PRKCA: variants seen among roughly 807,000 people sequenced by gnomAD.
PRKCA encodes protein kinase C alpha type.
Under a neutral mutation model 87.0 loss-of-function variants are expected in PRKCA, and 27 were observed. The observed-to-expected ratio is 0.31, with a 90% CI of 0.23 to 0.43. The LOEUF (loss-of-function observed/expected upper bound fraction) is 0.43. Among genes scored for constraint, PRKCA ranks in the 20% least tolerant of loss-of-function variants. The pLI is 1.00. For synonymous variants in PRKCA, 329 were observed against 311.1 expected (o/e 1.06, Z -0.61); for missense variants, 518 against 852.3 (o/e 0.61, Z 4.88).
intron 10 of PRKCA, among the ~76,000 whole-genome samples, chr17:66,736,863 C>T (rs1053491365): frequency 3.3e-5 from 5 of 152,184 alleles, no homozygotes; most frequent in Admixed American, 1.3e-4. Flanking sequence ...CTGTCATCTA[C>T]AGCTGCTTTT....
chr17:66,369,961 G>T (rs897365923), intron 2 of PRKCA, among the ~76,000 whole-genome samples: 2 of 152,212 alleles, frequency 1.3e-5, no homozygotes, highest in African/African-American at 2.4e-5. Context: ...TAGCTCAGTT[G>T]TCTTATCATT....
chr17:66,521,063 G>A (rs1053358261), intron 3 of PRKCA, among the ~76,000 whole-genome samples: 2 of 152,032 alleles, frequency 1.3e-5, no homozygotes, highest in East Asian at 3.9e-4. Context: ...AGGACTCTGG[G>A]CATCTGTCCA....
intron 2 of PRKCA, among the ~76,000 whole-genome samples, chr17:66,364,519 A>G (rs1297484867): frequency 6.6e-6 from 1 of 152,100 alleles, no homozygotes; most frequent in African/African-American, 2.4e-5. Flanking sequence ...CTGTATGGAG[A>G]AGAGGAGAGA....
In PRKCA at chr17:66,805,048, CTT is replaced by C. The variant is rs921923037; in HGVS notation, c.*1012_*1013del. Reference sequence around the variant, plus strand: ...CTTATGAAAGTACGATGTACAGTAACTTAATGGAAGTGCTGACTCTAGCATCA... The same window carrying C: ...CTTATGAAAGTACGATGTACAGTAACAATGGAAGTGCTGACTCTAGCATCA... On this transcript the variant is annotated 3_prime_UTR_variant, in exon 17 of 17. Coordinates refer to ENST00000413366, the MANE Select transcript of PRKCA (RefSeq NM_002737.3). The C allele has an allele frequency of 1.2e-5, 12 of 982,960 alleles. No individual in the cohort carries two copies. In the African/African-American group the frequency reaches 2.1e-4, roughly 17 times the overall value. The allele number at this position is 982,960 out of a possible 1,614,324, so 60.9% of individuals were successfully genotyped here. A position where few individuals can be genotyped will look rare whatever the true frequency, so the allele number is the denominator to read the frequency against.
chr17:66,339,376 C>T lies in PRKCA; in HGVS notation c.205+33249C>T, dbSNP rs1281144683. On this transcript the variant is annotated intron_variant, in intron 2 of 16. Coordinates refer to ENST00000413366, the MANE Select transcript of PRKCA (RefSeq NM_002737.3). ...GCTCAACGGGGAAATGAACTCTTCA[C>T]TAAAATCTCACATTTCTTACGCTTC... Among the ~76,000 whole-genome samples the T allele has an allele frequency of 2.0e-5, 3 of 152,146 alleles. No homozygotes were observed. In the South Asian group the frequency reaches 6.2e-4, roughly 32 times the overall value.
At chr17:66,656,128 C>A (rs1029310440) in intron 5 of PRKCA, among the ~76,000 whole-genome samples, 2 of 152,162 alleles carry the variant, frequency 1.3e-5, no homozygotes, top group African/African-American at 4.8e-5. Context: ...AAGATTGGAA[C>A]AAGGGGCAAA....
chr17:66,779,894 G>A (rs1975162583), intron 14 of PRKCA, among the ~76,000 whole-genome samples: 1 of 152,062 alleles, frequency 6.6e-6, no homozygotes, highest in Non-Finnish European at 1.5e-5. Flanking sequence ...CATCCAAAAT[G>A]GTAATGTACT....
intron 3 of PRKCA, among the ~76,000 whole-genome samples, chr17:66,500,827 A>G (rs994620943): frequency 6.6e-6 from 1 of 152,232 alleles, no homozygotes; most frequent in African/African-American, 2.4e-5. Context: ...TTAGAAATCA[A>G]TCCAATAAAA....
At chr17:66,798,430 G>GGTA in intron 16 of PRKCA, among the ~76,000 whole-genome samples, 1 of 131,354 alleles carries the variant, frequency 7.6e-6, no homozygotes, top group African/African-American at 3.0e-5. Context: ...TGGTGGTGGT[G>GGTA]GTGACGGTGG....
chr17:66,489,975 T>A (rs1269541589), intron 2 of PRKCA, among the ~76,000 whole-genome samples: 1 of 151,742 alleles, frequency 6.6e-6, no homozygotes, highest in Non-Finnish European at 1.5e-5. Flanking sequence ...GAGACAGGGT[T>A]TCACCATGTT....
At chr17:66,781,881 A>AG (rs1376793537) in intron 14 of PRKCA, among the ~76,000 whole-genome samples, 163 of 130,392 alleles carry the variant, frequency 1.3e-3, no homozygotes, top group Admixed American at 5.0e-3. Context: ...ATATATATAT[A>AG]TATATAGTGT....
intron 5 of PRKCA, among the ~76,000 whole-genome samples, chr17:66,659,998 C>T (rs1395031489): frequency 1.3e-5 from 2 of 152,054 alleles, no homozygotes; most frequent in Non-Finnish European, 2.9e-5. Context: ...TGGTTTGACC[C>T]AAACAGGTAG....
chr17:66,752,539 G>A (rs979431924), intron 13 of PRKCA, among the ~76,000 whole-genome samples: 2 of 152,160 alleles, frequency 1.3e-5, no homozygotes, highest in African/African-American at 4.8e-5. Context: ...TGGGGGCTGT[G>A]GTGAGCCAAG....
intron 2 of PRKCA, among the ~76,000 whole-genome samples, chr17:66,467,838 A>G (rs774175812): frequency 1.2e-4 from 19 of 152,118 alleles, no homozygotes; most frequent in Admixed American, 3.9e-4. Flanking sequence ...GATTACAGGT[A>G]TGAGCCACTG....
intron 8 of PRKCA, chr17:66,703,466 G>T (rs909908011): frequency 1.3e-5 from 2 of 152,018 alleles, no homozygotes; most frequent in African/African-American, 4.8e-5. Flanking sequence ...CTCTGCCTAA[G>T]GCTGTTCTAC....
rs544115623 is a variant in PRKCA at position 66,352,689 on chromosome 17, G to A, written c.205+46562G>A. ...AGTGATTCTCCTGCCTCAGCCTCCC[G>A]AGTAGCTGGGACTACAGGTGCGTGC... On this transcript the variant is annotated intron_variant, in intron 2 of 16. Transcript: ENST00000413366. Among the ~76,000 whole-genome samples the A allele has an allele frequency of 5.6e-5, 8 of 143,962 alleles. No homozygotes were observed. In the South Asian group the frequency reaches 1.4e-3, roughly 26 times the overall value. The allele number at this position is 143,962 out of a possible 152,430, so 94.4% of individuals were successfully genotyped here.
chr17:66,724,349 C>T (rs1464166046), intron 8 of PRKCA, among the ~76,000 whole-genome samples: 3 of 152,114 alleles, frequency 2.0e-5, no homozygotes, highest in African/African-American at 7.2e-5. Context: ...GAGATTCCTC[C>T]TGGTGCAGGG....
chr17:66,618,586 A>T (rs1970580346), intron 3 of PRKCA, among the ~76,000 whole-genome samples: 1 of 152,192 alleles, frequency 6.6e-6, no homozygotes, highest in Non-Finnish European at 1.5e-5. Context: ...GTTTTGAGAA[A>T]GCTCTGGGAC....
At chr17:66,679,174 C>CTTT (rs10714678) in intron 5 of PRKCA, among the ~76,000 whole-genome samples, 15 of 121,054 alleles carry the variant, frequency 1.2e-4, no homozygotes, top group Admixed American at 1.7e-4. Flanking sequence ...ACACTCACAC[C>CTTT]TTTTTTTTTT....
Sources: gnomAD v4.1 joint callset for allele counts (sites outside exome capture counted in the v4.1 genomes callset) on GRCh38, gnomAD v4.1.1 for gene constraint, MANE v1.5 for transcripts, NCBI Gene and HGNC (gene_info 2026-07-23, HGNC 2026-07-21) for gene names.